Variants in FCHO2 observed in about 807,000 individuals in gnomAD.
FCHO2 encodes the protein F-BAR domain only protein 2.
A neutral mutation model predicts 114.1 loss-of-function variants in FCHO2; 43 were observed. The ratio of observed to expected loss-of-function variants is 0.38; its 90% CI spans 0.30 to 0.49. The LOEUF is 0.49. Among genes scored for constraint, FCHO2 ranks in the 20% least tolerant of loss-of-function variants. The pLI is 0.97. For missense variants in FCHO2, 807 were observed against 950.4 expected (o/e 0.85, Z 1.98); for synonymous variants, 293 against 315.2 (o/e 0.93, Z 0.75).
At chr5:73,006,402 G>A (rs192580383) in intron 5 of FCHO2, 43 bp from the exon 6 acceptor site, 185 of 1,200,626 alleles carry the variant, frequency 1.5e-4, no homozygotes, top group Middle Eastern at 1.5e-3. Context: ...AAAGAAAAAA[G>A]GTCAATGCAC....
At chr5:73,016,301 T>TTTTAAATTGTTTAAATATTAAAAAAG (rs1755306657) in intron 7 of FCHO2, among the ~76,000 whole-genome samples, 2 of 86,960 alleles carry the variant, frequency 2.3e-5, no homozygotes, top group Non-Finnish European at 4.5e-5. Flanking sequence ...ATTTAAAAAA[T>TTTTAAATTGTTTAAATATTAAAAAAG]ATTTTAAATT....
intron 15 of FCHO2, chr5:73,055,198 T>C (rs975248424): frequency 5.0e-5 from 11 of 219,490 alleles, no homozygotes; most frequent in African/African-American, 2.5e-4. Context: ...TGATTGTAGC[T>C]TAATGATAGG....
chr5:73,064,454 A>C (rs1050582320), intron 18 of FCHO2, among the ~76,000 whole-genome samples: 1 of 152,096 alleles, frequency 6.6e-6, no homozygotes, highest in African/African-American at 2.4e-5. Flanking sequence ...GAAAATCTAT[A>C]GACTCTATGC....
chr5:72,992,940 G>C (rs1000339102), intron 5 of FCHO2, among the ~76,000 whole-genome samples: 5 of 149,218 alleles, frequency 3.4e-5, no homozygotes, highest in Non-Finnish European at 7.4e-5. Context: ...AAGGGCGAGA[G>C]AGAAGAAGAG....
At chr5:72,978,195 T>G (rs1752990483) in intron 2 of FCHO2, among the ~76,000 whole-genome samples, 1 of 152,244 alleles carries the variant, frequency 6.6e-6, no homozygotes, top group Non-Finnish European at 1.5e-5. Context: ...TAAATTACTT[T>G]GGGCAGTATG....
intron 8 of FCHO2, chr5:73,034,443 G>A (rs1756391376): frequency 2.2e-6 from 1 of 449,274 alleles, no homozygotes; most frequent in Non-Finnish European, 3.9e-6. Context: ...TAATGGGCTA[G>A]TCTTGTTATT....
At chr5:73,057,655 T>G (rs892858119) in intron 16 of FCHO2, among the ~76,000 whole-genome samples, 1 of 152,204 alleles carries the variant, frequency 6.6e-6, no homozygotes, top group Non-Finnish European at 1.5e-5. Context: ...TATGGCCTTA[T>G]AAAATTTTAA....
chr5:73,051,506 A>G, intron 12 of FCHO2, 100 bp downstream of exon 12: 1 of 665,706 alleles, frequency 1.5e-6, no homozygotes, highest in South Asian at 2.3e-5. Context: ...TTTTTTATTA[A>G]TTATAAAATA....
intron 5 of FCHO2, among the ~76,000 whole-genome samples, chr5:72,998,959 T>TAG (rs1289742615): frequency 6.6e-6 from 1 of 151,654 alleles, no homozygotes; most frequent in Non-Finnish European, 1.5e-5. Context: ...GCCTCTCGAA[T>TAG]AGCTGGGATC....
chr5:73,047,009 T>C (rs574085770), intron 11 of FCHO2, among the ~76,000 whole-genome samples: 1 of 152,336 alleles, frequency 6.6e-6, no homozygotes, highest in East Asian at 1.9e-4. Flanking sequence ...AGTAAAAGGA[T>C]TTTTGCTGCA....
At position 73,058,019 on chromosome 5, in the gene FCHO2, A is replaced by AC. The variant is rs1222390263; in HGVS notation, c.1254-414_1254-413insC. ...TCCAACTTTTAAATTAAAAAAAATTATTTTTTTTACGGACGGGGTCTTGCT... is the reference window on the plus strand; with the variant it reads ...TCCAACTTTTAAATTAAAAAAAATTACTTTTTTTTACGGACGGGGTCTTGCT... On this transcript the variant is annotated intron_variant, in intron 16 of 25. Transcript: ENST00000430046. Among the ~76,000 whole-genome samples, 3 of 151,656 alleles carry AC rather than the reference A, an allele frequency of 2.0e-5. No individual in the cohort carries two copies. The East Asian group carries it at 5.8e-4, about 29-fold the overall frequency.
In FCHO2 at chr5:72,990,801, T is replaced by C; in HGVS notation, c.432T>C (p.Asn144=). ...TCCAGAAATCCAAGGAAAATTACAA[T>C]GCCAAGTGTGTAGAACAGGAGCGTT... ...QALQKSKENY[N]AKCVEQERLK... is the part of the protein sequence containing the mutation. Residue 144 remains asparagine (N), a synonymous_variant, in exon 5 of 26, where the codon AAT becomes AAC. Transcript: ENST00000430046. The C allele has an allele frequency of 6.4e-7, 1 of 1,552,800 alleles. No homozygotes were observed. Among genetic ancestry groups the C allele is most frequent in the Non-Finnish European group, 8.7e-7 (1 of 1,147,450 alleles).
In FCHO2 at chr5:73,077,490, T is replaced by G. The variant is rs375879515; in HGVS notation, c.1844T>G (p.Phe615Cys). Reference sequence around the variant, plus strand: ...ATTCTTCCAAATGCACAGCTTGTGTTCAGGTTTGTGTACTTTTTGTTTTGA... The same window carrying G: ...ATTCTTCCAAATGCACAGCTTGTGTGCAGGTTTGTGTACTTTTTGTTTTGA... ...EQILPNAQLV[F>C]SDPSQCDSNT... is the part of the protein sequence containing the mutation. Residue 615 changes from phenylalanine (F) to cysteine (C), a missense_variant, in exon 21 of 26, where the codon TTC (phenylalanine) becomes TGC (cysteine). By Grantham distance (205) the Phe-to-Cys change is radical. Transcript: ENST00000430046. 4.0e-5 allele frequency: 63 copies of G among 1,594,692 alleles called. No homozygotes were observed. Among genetic ancestry groups the G allele is most frequent in the Non-Finnish European group, 5.3e-5 (62 of 1,170,116 alleles).
intron 17 of FCHO2, among the ~76,000 whole-genome samples, chr5:73,059,929 A>C (rs1005150841): frequency 6.6e-6 from 1 of 152,020 alleles, no homozygotes; most frequent in Admixed American, 6.6e-5. Context: ...AGGAGTTCTC[A>C]GCAGTATTTT....
At chr5:73,037,760 CT>C (rs762112815) in intron 10 of FCHO2, 26,000 of 321,370 alleles carry the variant, frequency 0.081, no homozygotes, top group South Asian at 0.13. Flanking sequence ...GATTTACCTT[CT>C]TTTTTTTTTT....
intron 24 of FCHO2, among the ~76,000 whole-genome samples, chr5:73,085,989 G>T (rs1743296923): frequency 6.6e-6 from 1 of 151,836 alleles, no homozygotes; most frequent in Non-Finnish European, 1.5e-5. Context: ...AGGCATGGTG[G>T]TGTGCGCCTG....
chr5:72,960,101 A>C (rs1424767143), intron 1 of FCHO2, among the ~76,000 whole-genome samples: 3 of 152,236 alleles, frequency 2.0e-5, no homozygotes, highest in Non-Finnish European at 4.4e-5. Flanking sequence ...TTTCTAATCA[A>C]ACAACCTATT....
At chr5:72,977,046 T>C (rs1752930569) in intron 2 of FCHO2, among the ~76,000 whole-genome samples, 1 of 152,200 alleles carries the variant, frequency 6.6e-6, no homozygotes, top group African/African-American at 2.4e-5. Flanking sequence ...TTGGGTTGGT[T>C]CCAAGTCTTT....
intron 2 of FCHO2, among the ~76,000 whole-genome samples, chr5:72,975,459 T>G (rs1201418830): frequency 6.6e-6 from 1 of 152,150 alleles, no homozygotes; most frequent in Non-Finnish European, 1.5e-5. Context: ...CCCAAGTAGC[T>G]GGGATTATAG....
Sources: allele counts gnomAD v4.1 joint callset (sites outside exome capture counted in the v4.1 genomes callset), GRCh38; gene constraint gnomAD v4.1.1; transcripts MANE v1.5; gene names NCBI Gene and HGNC (gene_info 2026-07-23, HGNC 2026-07-21).